Variants in DCN observed in about 807,000 individuals in gnomAD.
DCN encodes the protein bone proteoglycan II.
Under a neutral mutation model 36.5 loss-of-function variants are expected in DCN, and 17 were observed. That is an observed-to-expected ratio of 0.47 (90% CI 0.32 to 0.70). DCN has a LOEUF of 0.70. Ranked by LOEUF, DCN falls within the 30% of genes least tolerant of loss-of-function variation. The pLI, the probability that DCN is intolerant of heterozygous loss-of-function variation, is 0.04. For synonymous variants in DCN, 163 were observed against 161.4 expected, an observed-to-expected ratio of 1.01 and a Z score of -0.07; for missense variants, 389 against 430.1, an observed-to-expected ratio of 0.90 and a Z score of 0.84.
At position 91,145,750 on chromosome 12, in the gene DCN, G is replaced by T. The variant is rs529601553; in HGVS notation, c.*308C>A. ...TTATTTTTTCCTGGAAATTAAAAAA[G>T]AAAAGCTTTACTAAATATTGACATA... is the stretch of plus-strand genomic sequence containing the variant. On this transcript the variant is annotated 3_prime_UTR_variant, in exon 8 of 8. Coordinates refer to ENST00000052754, the MANE Select transcript of DCN (RefSeq NM_001920.5). The T allele has an allele frequency of 5.2e-5, 22 of 423,682 alleles. No individual in the cohort carries two copies. The highest frequency in any genetic ancestry group is 3.4e-4 in the South Asian group (18 of 52,482). 26.2% of individuals were successfully genotyped at this position (423,682 alleles called of 1,614,324 possible).
At chr12:91,167,053 G>C (rs1431795256) in intron 2 of DCN, among the ~76,000 whole-genome samples, 1 of 152,124 alleles carries the variant, frequency 6.6e-6, no homozygotes, top group Non-Finnish European at 1.5e-5. Flanking sequence ...TTCATAACAT[G>C]AACAAGCTTA....
rs1470345881 is a variant in DCN at position 91,142,782 on chromosome 12, A to G, written c.*3276T>C. 6.6e-6 allele frequency: 1 copy of G among 152,192 alleles called. No homozygotes were observed. The highest frequency in any genetic ancestry group is 2.4e-5 in the African/African-American group (1 of 41,460). The allele number at this position is 152,192 out of a possible 1,614,324, so 9.4% of individuals were successfully genotyped here. A position where few individuals can be genotyped will look rare whatever the true frequency, so the allele number is the denominator to read the frequency against. ...AGGAGGGGTCAGAGACAAATTTTTA[A>G]GTTTCCAACCTTTTATGTGAAGCAC... On this transcript the variant is annotated 3_prime_UTR_variant, in exon 8 of 8. Coordinates refer to ENST00000052754, the MANE Select transcript of DCN (RefSeq NM_001920.5).
intron 3 of DCN, 50 bp from the exon 4 acceptor site, chr12:91,158,559 A>T: frequency 1.1e-6 from 1 of 946,344 alleles, no homozygotes; most frequent in Non-Finnish European, 1.8e-6. Flanking sequence ...CCTTCCACAT[A>T]CATGTAAAAC....
chr12:91,178,318 A>T, intron 2 of DCN, 24 bp downstream of exon 2: 1 of 1,594,160 alleles, frequency 6.3e-7, no homozygotes, highest in South Asian at 1.1e-5. Context: ...TAAGGTAGGT[A>T]AAGAGAAACT....
intron 2 of DCN, chr12:91,177,220 T>C (rs1383142524): frequency 4.2e-6 from 1 of 239,756 alleles, no homozygotes; most frequent in Admixed American, 5.2e-5. Flanking sequence ...ACAATATATG[T>C]GTTGAAGAAG....
At chr12:91,164,552 GA>G (rs1420943438) in intron 3 of DCN, 52 bp downstream of exon 3, 2 of 987,008 alleles carry the variant, frequency 2.0e-6, no homozygotes, top group African/African-American at 3.2e-5. Context: ...GTAGTGTTTT[GA>G]AAAATACCTT....
chr12:91,156,994 C>T (rs1030340135), intron 5 of DCN, 81 bp downstream of exon 5: 2 of 1,005,676 alleles, frequency 2.0e-6, no homozygotes, highest in Non-Finnish European at 3.1e-6. Flanking sequence ...GTGACAATTC[C>T]AGTTTCCACA....
intron 3 of DCN, among the ~76,000 whole-genome samples, chr12:91,161,907 G>A (rs1049868588): frequency 6.6e-6 from 1 of 151,094 alleles, no homozygotes; most frequent in Non-Finnish European, 1.5e-5. Flanking sequence ...TGTTGGACAC[G>A]TCAATAAATT....
chr12:91,182,085 T>G (rs13312825), intron 1 of DCN, among the ~76,000 whole-genome samples: 3,959 of 152,184 alleles, frequency 0.026, 165 homozygotes, highest in African/African-American at 0.09. Context: ...TTATACAGCG[T>G]TTTTAGTATC....
chr12:91,151,976 C>G (rs571549273), intron 6 of DCN, among the ~76,000 whole-genome samples, 184 bp from the exon 7 acceptor site: 1 of 152,142 alleles, frequency 6.6e-6, no homozygotes, highest in Non-Finnish European at 1.5e-5. Flanking sequence ...GTTAAGGTCT[C>G]GGCTCAAAGT....
intron 5 of DCN, 147 bp from the exon 6 acceptor site, chr12:91,153,336 T>C: frequency 1.5e-6 from 1 of 652,938 alleles, no homozygotes; most frequent in East Asian, 2.8e-5. Flanking sequence ...TTTTTTTTCA[T>C]CCCTTTTATA....
chr12:91,151,206 T>C, intron 7 of DCN: 1 of 202,276 alleles, frequency 4.9e-6, no homozygotes, highest in Non-Finnish European at 1.0e-5. Context: ...ATTTTTTTTT[T>C]AGAGGAAATA....
At chr12:91,148,261 G>A (rs1391306259) in intron 7 of DCN, among the ~76,000 whole-genome samples, 2 of 151,824 alleles carry the variant, frequency 1.3e-5, no homozygotes, top group African/African-American at 4.8e-5. Context: ...TTTTAGTAGA[G>A]AGGGGGTTTC....
intron 3 of DCN, among the ~76,000 whole-genome samples, chr12:91,160,943 A>G (rs1337109803): frequency 1.3e-5 from 2 of 152,192 alleles, no homozygotes; most frequent in Non-Finnish European, 2.9e-5. Flanking sequence ...AAGCACATAC[A>G]GGGAACATGA....
intron 7 of DCN, among the ~76,000 whole-genome samples, chr12:91,148,721 C>CAAAAAAAAAAAAAAAAAAAAAAA (rs5799978): frequency 1.6e-4 from 8 of 49,476 alleles, no homozygotes; most frequent in African/African-American, 3.3e-4. Context: ...CGCTCCGACT[C>CAAAAAAAAAAAAAAAAAAAAAAA]AAAAAAAAAA....
chr12:91,168,645 C>T (rs1882738607), intron 2 of DCN, among the ~76,000 whole-genome samples: 1 of 152,202 alleles, frequency 6.6e-6, no homozygotes, highest in African/African-American at 2.4e-5. Flanking sequence ...CTGTTATAAC[C>T]ATCTCCCTAT....
chr12:91,162,930 A>G (rs1447829759), intron 3 of DCN, among the ~76,000 whole-genome samples: 2 of 152,138 alleles, frequency 1.3e-5, no homozygotes, highest in Non-Finnish European at 2.9e-5. Context: ...CCTAATTTCC[A>G]GATTCTTTAT....
chr12:91,178,513 A>T lies in DCN; in HGVS notation c.40T>A (p.Ser14Thr), dbSNP rs1225946399. 6.2e-7 allele frequency: 1 copy of T among 1,613,732 alleles called. No homozygotes were observed. Among genetic ancestry groups the T allele is most frequent in the East Asian group, 2.2e-5 (1 of 44,786 alleles). ...CTCTGTTGAAACGGTCCAGCCCAGG[A>T]AACTTGTGCAAGCAGAAGGAGGATG... ...TIILLLLAQV[S>T]WAGPFQQRGL... Residue 14 changes from serine (S) to threonine (T), a missense_variant, in exon 2 of 8, where the codon TCC (serine) becomes ACC (threonine). Coordinates refer to ENST00000052754, the MANE Select transcript of DCN (RefSeq NM_001920.5).
chr12:91,161,580 G>T (rs1171137703), intron 3 of DCN, among the ~76,000 whole-genome samples: 1 of 152,144 alleles, frequency 6.6e-6, no homozygotes, highest in East Asian at 1.9e-4. Context: ...GAAGTGAGGG[G>T]GAGTTGGTGA....
Sources: gnomAD v4.1 joint callset for allele counts (sites outside exome capture counted in the v4.1 genomes callset) on GRCh38, gnomAD v4.1.1 for gene constraint, MANE v1.5 for transcripts, NCBI Gene and HGNC (gene_info 2026-07-23, HGNC 2026-07-21) for gene names.